Variants in PCNP observed in about 807,000 individuals in gnomAD.
PCNP encodes PEST proteolytic signal-containing nuclear protein.
A neutral mutation model predicts 21.8 loss-of-function variants in PCNP; 6 were observed. The observed-to-expected ratio is 0.28, with a 90% CI of 0.15 to 0.54. The LOEUF (loss-of-function observed/expected upper bound fraction) is 0.54, where lower values mean the gene tolerates loss of function less well. Ranked by LOEUF, PCNP falls within the 20% of genes least tolerant of loss-of-function variation. The probability of loss-of-function intolerance (pLI) is 0.95; values close to 1 mark genes in which losing one functional copy is unlikely to be tolerated. For missense variants in PCNP, 161 were observed against 215.5 expected, an observed-to-expected ratio of 0.75 and a Z score of 1.58; for synonymous variants, 67 against 73.2, an observed-to-expected ratio of 0.92 and a Z score of 0.43.
chr3:101,592,851 T>G lies in PCNP; in HGVS notation c.*98T>G, dbSNP rs1438149634. 1.8e-6 allele frequency: 2 copies of G among 1,085,268 alleles called. No homozygotes were observed. The highest frequency in any genetic ancestry group is 2.5e-6 in the Non-Finnish European group (2 of 792,180). The allele number at this position is 1,085,268 out of a possible 1,614,324, so 67.2% of individuals were successfully genotyped here. On this transcript the variant is annotated 3_prime_UTR_variant, in exon 5 of 5. Coordinates refer to ENST00000265260, the MANE Select transcript of PCNP (RefSeq NM_020357.3). ...ATAAGACTATCTTTGGAGCCGCTTT[T>G]TTTTTCTTTTTCATTTTTTTAAAAG...
intron 3 of PCNP, 117 bp downstream of exon 3, chr3:101,585,628 CTG>C (rs1935458624): frequency 3.4e-6 from 2 of 596,864 alleles, no homozygotes; most frequent in South Asian, 2.3e-5. Context: ...GTTTTTGTGT[CTG>C]TGTGTGACAT....
At chr3:101,588,405 G>A (rs563622633) in intron 3 of PCNP, among the ~76,000 whole-genome samples, 8 of 152,086 alleles carry the variant, frequency 5.3e-5, no homozygotes, top group South Asian at 2.1e-4. Flanking sequence ...AGTAAATTTC[G>A]GATGCATTTA....
chr3:101,589,797 G>A (rs1042919146), intron 3 of PCNP: 11 of 195,036 alleles, frequency 5.6e-5, no homozygotes, highest in Admixed American at 6.0e-5. Context: ...TTGCTTTGGT[G>A]TCAAACTCTT....
chr3:101,575,855 A>C (rs1471038595), intron 1 of PCNP, among the ~76,000 whole-genome samples: 1 of 152,204 alleles, frequency 6.6e-6, no homozygotes, highest in African/African-American at 2.4e-5. Context: ...TTTCCATTTT[A>C]GCATGTGGGG....
chr3:101,575,019 C>T (rs1458393437), intron 1 of PCNP: 1 of 152,134 alleles, frequency 6.6e-6, no homozygotes, highest in African/African-American at 2.4e-5. Context: ...AATAGTCTAG[C>T]GTGACTCTTC....
intron 1 of PCNP, among the ~76,000 whole-genome samples, chr3:101,579,363 A>G (rs1485200557): frequency 1.3e-5 from 2 of 152,168 alleles, no homozygotes; most frequent in Non-Finnish European, 2.9e-5. Flanking sequence ...TGATTATTAC[A>G]TTACTGAAGA....
intron 1 of PCNP, among the ~76,000 whole-genome samples, chr3:101,577,688 C>T (rs1205040120): frequency 1.3e-5 from 2 of 152,160 alleles, no homozygotes; most frequent in African/African-American, 2.4e-5. Context: ...CCACGCCCAT[C>T]TTAATTTGTA....
chr3:101,588,440 T>C (rs1035733616), intron 3 of PCNP, among the ~76,000 whole-genome samples: 1 of 151,720 alleles, frequency 6.6e-6, no homozygotes, highest in African/African-American at 2.4e-5. Context: ...TCCTATAATA[T>C]AACAGTAATA....
chr3:101,592,556 G>T, intron 4 of PCNP, 71 bp from the exon 5 acceptor site: 4 of 1,255,296 alleles, frequency 3.2e-6, no homozygotes, highest in South Asian at 1.4e-5. Flanking sequence ...AACATGTATT[G>T]AATGAATCAA....
Position 101,574,206 on chromosome 3 carries a change from G to A in PCNP, c.-10G>A, listed in dbSNP as rs538859396. The stretch of plus-strand genomic sequence containing the variant: ...TTGGCGTGGCTGCAGGGGAGGCCGC[G>A]GCGGGGAAAATGGCGGACGGGAAGG... On this transcript the variant is annotated 5_prime_UTR_variant, in exon 1 of 5. Coordinates refer to ENST00000265260, the MANE Select transcript of PCNP (RefSeq NM_020357.3). 6.5e-6 allele frequency: 10 copies of A among 1,549,582 alleles called. No individual in the cohort carries two copies. In the South Asian group the frequency reaches 1.2e-4, roughly 18 times the overall value.
chr3:101,579,087 C>T (rs936560402), intron 1 of PCNP, among the ~76,000 whole-genome samples: 5 of 151,970 alleles, frequency 3.3e-5, no homozygotes, highest in Admixed American at 3.3e-4. Context: ...TTATGATTAG[C>T]TCATCTTTCA....
chr3:101,590,748 T>C (rs1218630942), intron 4 of PCNP, among the ~76,000 whole-genome samples: 1 of 152,048 alleles, frequency 6.6e-6, no homozygotes, highest in East Asian at 1.9e-4. Context: ...AAGGTCTCGC[T>C]ATGTTGCCCA....
intron 2 of PCNP, among the ~76,000 whole-genome samples, chr3:101,584,638 C>T (rs1935403979): frequency 6.6e-6 from 1 of 152,162 alleles, no homozygotes; most frequent in East Asian, 1.9e-4. Flanking sequence ...GATCTCACCT[C>T]ACTGCAACCT....
In PCNP at chr3:101,579,808, A is replaced by G; in HGVS notation, c.83A>G (p.Glu28Gly). Residue 28 changes from glutamate to glycine, a missense_variant, in exon 2 of 5, where the codon GAA (glutamate) becomes GGA (glycine). Glu to Gly is a moderately conservative substitution (Grantham distance 98). Around this residue, in one of 4 missense-constraint regions of PCNP, gnomAD observed 6 missense variants for 21.8 expected, o/e 0.28. Coordinates refer to ENST00000265260, the MANE Select transcript of PCNP (RefSeq NM_020357.3). ...GAAGGPEEEA[E>G]KPVKTKTVSS... is the part of the protein sequence containing the mutation. Reference sequence around the variant, plus strand: ...TCACCAGGACCTGAAGAAGAAGCAGAAAAACCTGTGAAAACTAAGACTGTT... The same window carrying G: ...TCACCAGGACCTGAAGAAGAAGCAGGAAAACCTGTGAAAACTAAGACTGTT... 6.2e-7 allele frequency: 1 copy of G among 1,613,970 alleles called. No homozygotes were observed. The highest frequency in any genetic ancestry group is 8.5e-7 in the Non-Finnish European group (1 of 1,179,788).
At chr3:101,587,997 G>A (rs928711291) in intron 3 of PCNP, among the ~76,000 whole-genome samples, 2 of 152,174 alleles carry the variant, frequency 1.3e-5, no homozygotes, top group Non-Finnish European at 2.9e-5. Flanking sequence ...AATTGACTGG[G>A]CATGGTGGCT....
Position 101,574,206 on chromosome 3 carries a change from GGC to G in PCNP, c.-8_-7del. On this transcript the variant is annotated 5_prime_UTR_variant, in exon 1 of 5. Transcript: ENST00000265260. ...TTGGCGTGGCTGCAGGGGAGGCCGC[GGC>G]GGGGAAAATGGCGGACGGGAAGGCG... The G allele has an allele frequency of 6.5e-7, 1 of 1,549,582 alleles. No individual in the cohort carries two copies. Among genetic ancestry groups the G allele is most frequent in the South Asian group, 1.2e-5 (1 of 83,860 alleles).
intron 1 of PCNP, 40 bp downstream of exon 1, chr3:101,574,319 C>A: frequency 6.6e-7 from 1 of 1,509,238 alleles, no homozygotes. Flanking sequence ...GTGGGATGCT[C>A]CGGGCCTTTC....
chr3:101,574,242 G>C lies in PCNP; in HGVS notation c.27G>C (p.Glu9Asp). The change falls in exon 1 of 5, where the codon GAG becomes GAC. Residue 9 changes from glutamate to aspartate, a missense_variant. Transcript: ENST00000265260. ...TGGCGGACGGGAAGGCGGGAGACGAGAAGCCTGAAAAGTCGCAGCGAGCTG... is the reference window on the plus strand; with the variant it reads ...TGGCGGACGGGAAGGCGGGAGACGACAAGCCTGAAAAGTCGCAGCGAGCTG... MADGKAGD[E>D]KPEKSQRAGA... The C allele has an allele frequency of 1.9e-6, 3 of 1,549,908 alleles. No individual in the cohort carries two copies. Among genetic ancestry groups the C allele is most frequent in the Non-Finnish European group, 2.6e-6 (3 of 1,146,044 alleles).
Position 101,574,211 on chromosome 3 carries a change from G to A in PCNP, c.-5G>A, listed in dbSNP as rs1349527236. On this transcript the variant is annotated 5_prime_UTR_variant, in exon 1 of 5. Coordinates refer to ENST00000265260, the MANE Select transcript of PCNP (RefSeq NM_020357.3). ...GTGGCTGCAGGGGAGGCCGCGGCGGGGAAAATGGCGGACGGGAAGGCGGGA... is the reference window on the plus strand; with the variant it reads ...GTGGCTGCAGGGGAGGCCGCGGCGGAGAAAATGGCGGACGGGAAGGCGGGA... 2.6e-6 allele frequency: 4 copies of A among 1,549,502 alleles called. No homozygotes were observed. The highest frequency in any genetic ancestry group is 1.4e-5 in the African/African-American group (1 of 72,926).
Sources: gnomAD v4.1 joint callset for allele counts (sites outside exome capture counted in the v4.1 genomes callset) on GRCh38, gnomAD v4.1.1 for gene constraint, gnomAD v4.1.1 regional missense constraint, MANE v1.5 for transcripts, NCBI Gene and HGNC (gene_info 2026-07-23, HGNC 2026-07-21) for gene names.